Variants in THSD4 observed in about 807,000 individuals in gnomAD.
THSD4 encodes thrombospondin type 1 domain containing 4, also known as thrombospondin type-1 domain-containing protein 4.
In THSD4, 69 loss-of-function variants were observed where a neutral mutation model predicts 119.0. The observed-to-expected ratio is 0.58, with a 90% CI of 0.48 to 0.71. The LOEUF (loss-of-function observed/expected upper bound fraction) is 0.71. THSD4 is among the 30% of genes least tolerant of loss of function. The probability of loss-of-function intolerance (pLI) is 0.00; values close to 1 mark genes in which losing one functional copy is unlikely to be tolerated. For synonymous variants in THSD4, 524 were observed against 540.4 expected (o/e 0.97, Z 0.42); for missense variants, 1,393 against 1,391.1 (o/e 1.00, Z -0.02).
chr15:71,663,962 A>G (rs546715826), intron 8 of THSD4, among the ~76,000 whole-genome samples: 5 of 152,196 alleles, frequency 3.3e-5, no homozygotes, highest in Admixed American at 1.3e-4. Context: ...TCACATTTGT[A>G]TCATTGCTTT....
At chr15:71,222,351 C>T (rs574950275) in intron 4 of THSD4, among the ~76,000 whole-genome samples, 3 of 152,314 alleles carry the variant, frequency 2.0e-5, no homozygotes, top group African/African-American at 7.2e-5. Context: ...CTTTCCTTCC[C>T]ACTGGACTTC....
chr15:71,611,491 C>A (rs545538448), intron 7 of THSD4, among the ~76,000 whole-genome samples: 1 of 152,326 alleles, frequency 6.6e-6, no homozygotes, highest in East Asian at 1.9e-4. Flanking sequence ...ACAGTGAAAA[C>A]GCTACAGTGC....
intron 6 of THSD4, among the ~76,000 whole-genome samples, chr15:71,405,899 C>T (rs2046598912): frequency 7.2e-6 from 1 of 138,516 alleles, no homozygotes. Context: ...CTTTTTAATG[C>T]TGTTGTAAAT....
At chr15:71,433,885 C>T (rs139626898) in intron 7 of THSD4, among the ~76,000 whole-genome samples, 8 of 152,242 alleles carry the variant, frequency 5.3e-5, no homozygotes, top group Admixed American at 2.0e-4. Flanking sequence ...AGGCTCAAAA[C>T]CAAAGGCATA....
chr15:71,128,987 G>A (rs1319390351), intron 1 of THSD4, among the ~76,000 whole-genome samples: 1 of 152,192 alleles, frequency 6.6e-6, no homozygotes, highest in East Asian at 1.9e-4. Context: ...GAGGAGGCTG[G>A]TGGAGGATGG....
At chr15:71,762,994 C>T (rs1400162986) in intron 15 of THSD4, among the ~76,000 whole-genome samples, 1 of 152,116 alleles carries the variant, frequency 6.6e-6, no homozygotes, top group East Asian at 1.9e-4. Context: ...TTGCTTGAAC[C>T]TGGGAGGCAG....
chr15:71,712,610 C>T (rs2141094999), intron 8 of THSD4, among the ~76,000 whole-genome samples: 1 of 152,206 alleles, frequency 6.6e-6, no homozygotes, highest in East Asian at 1.9e-4. Context: ...AATTAAGAAA[C>T]AAAATACTTG....
At chr15:71,682,772 T>A (rs1459824337) in intron 8 of THSD4, among the ~76,000 whole-genome samples, 1 of 152,178 alleles carries the variant, frequency 6.6e-6, no homozygotes, top group Non-Finnish European at 1.5e-5. Context: ...TCAAATAATT[T>A]CTGTACCACA....
intron 7 of THSD4, among the ~76,000 whole-genome samples, chr15:71,506,205 G>C (rs900317525): frequency 1.2e-4 from 19 of 152,132 alleles, no homozygotes; most frequent in African/African-American, 4.6e-4. Flanking sequence ...TGCTGATCTA[G>C]ATCTTAGGAA....
At chr15:71,617,641 T>G (rs2050342479) in intron 7 of THSD4, among the ~76,000 whole-genome samples, 1 of 152,188 alleles carries the variant, frequency 6.6e-6, no homozygotes, top group South Asian at 2.1e-4. Context: ...GCAGGTGTGG[T>G]GCAAAGCTGG....
rs1050871545 is a variant in THSD4 at position 71,683,663 on chromosome 15, A to T, written c.1357+22929A>T. ...TATTAGATCTATAAATTCATTTGGG[A>T]GGAGTAGACATGGTTAAAATGTTCA... On this transcript the variant is annotated intron_variant, in intron 8 of 17. Coordinates refer to ENST00000261862, the MANE Select transcript of THSD4 (RefSeq NM_024817.3). 5.3e-5 allele frequency among the ~76,000 whole-genome samples: 8 copies of T among 152,102 alleles called. 1 individual carries two copies. Among genetic ancestry groups the T allele is most frequent in the Non-Finnish European group, 1.0e-4 (7 of 68,020 alleles).
At chr15:71,375,831 A>C (rs983704372) in intron 6 of THSD4, among the ~76,000 whole-genome samples, 3 of 152,204 alleles carry the variant, frequency 2.0e-5, no homozygotes, top group Non-Finnish European at 2.9e-5. Flanking sequence ...TTCCACACCT[A>C]CTAAATCAGA....
At chr15:71,584,354 A>G (rs2049622374) in intron 7 of THSD4, among the ~76,000 whole-genome samples, 1 of 133,516 alleles carries the variant, frequency 7.5e-6, no homozygotes, top group African/African-American at 2.9e-5. Context: ...TGCAGCCTCC[A>G]CTTGAATCAG....
chr15:71,508,044 T>G (rs1353771714), intron 7 of THSD4, among the ~76,000 whole-genome samples: 1 of 152,170 alleles, frequency 6.6e-6, no homozygotes, highest in East Asian at 1.9e-4. Context: ...AAGAAGTATG[T>G]GATTGAGAAA....
intron 7 of THSD4, among the ~76,000 whole-genome samples, chr15:71,646,131 G>T (rs1464224288): frequency 6.6e-6 from 1 of 152,200 alleles, no homozygotes; most frequent in Non-Finnish European, 1.5e-5. Flanking sequence ...GTGACCTCAG[G>T]CAAGTTACTT....
chr15:71,283,407 T>TAA (rs2044679753), intron 6 of THSD4, among the ~76,000 whole-genome samples: 1 of 152,234 alleles, frequency 6.6e-6, no homozygotes, highest in African/African-American at 2.4e-5. Flanking sequence ...TCTTGAATGT[T>TAA]AATATTAAAT....
intron 8 of THSD4, among the ~76,000 whole-genome samples, chr15:71,708,688 T>C (rs2052443495): frequency 6.6e-6 from 1 of 152,250 alleles, no homozygotes; most frequent in Non-Finnish European, 1.5e-5. Context: ...ATTTTCATTC[T>C]GACCTGGAGT....
chr15:71,587,976 T>C (rs908158647), intron 7 of THSD4, among the ~76,000 whole-genome samples: 3 of 151,942 alleles, frequency 2.0e-5, no homozygotes, highest in African/African-American at 7.3e-5. Flanking sequence ...GTACTCTCCC[T>C]GTGGCATAGT....
At chr15:71,516,927 G>A (rs752084778) in intron 7 of THSD4, among the ~76,000 whole-genome samples, 3 of 152,174 alleles carry the variant, frequency 2.0e-5, no homozygotes, top group Non-Finnish European at 2.9e-5. Context: ...TGAGTTAGCT[G>A]CATTTTAAGT....
Sources: allele counts gnomAD v4.1 joint callset (sites outside exome capture counted in the v4.1 genomes callset), GRCh38; gene constraint gnomAD v4.1.1; transcripts MANE v1.5; gene names NCBI Gene and HGNC (gene_info 2026-07-23, HGNC 2026-07-21).